The following TMOD2 variants were observed in gnomAD, a reference collection of about 807,000 sequenced individuals.
TMOD2 encodes the protein tropomodulin-2.
Under a neutral mutation model 39.9 loss-of-function variants are expected in TMOD2, and 22 were observed. That is an observed-to-expected ratio of 0.55 (90% CI 0.39 to 0.79). The LOEUF is 0.79. TMOD2 is among the 30% of genes least tolerant of loss of function. The pLI is 0.00. For missense variants in TMOD2, 386 were observed against 413.3 expected, an observed-to-expected ratio of 0.93 and a Z score of 0.57; for synonymous variants, 123 against 146.1, an observed-to-expected ratio of 0.84 and a Z score of 1.14.
chr15:51,769,287 T>A (rs554754026), intron 3 of TMOD2, among the ~76,000 whole-genome samples: 1 of 152,292 alleles, frequency 6.6e-6, no homozygotes, highest in South Asian at 2.1e-4. Flanking sequence ...TTTACCAACT[T>A]CAGAAGTCCC....
chr15:51,801,010 C>T lies in TMOD2; in HGVS notation c.876+2670C>T, dbSNP rs573535359. 7.9e-5 allele frequency among the ~76,000 whole-genome samples: 12 copies of T among 152,208 alleles called. No homozygotes were observed. The East Asian group carries it at 2.1e-3, about 27-fold the overall frequency. On this transcript the variant is annotated intron_variant, in intron 8 of 9. Coordinates refer to ENST00000249700, the MANE Select transcript of TMOD2 (RefSeq NM_014548.4). ...ATGAGCCCCACCGCGCCTAGCCTGGCGTCTCTTTATTTGTATACGACAAGG... is the reference window on the plus strand; with the variant it reads ...ATGAGCCCCACCGCGCCTAGCCTGGTGTCTCTTTATTTGTATACGACAAGG...
intron 5 of TMOD2, among the ~76,000 whole-genome samples, chr15:51,779,248 A>G (rs2055912910): frequency 6.6e-6 from 1 of 152,238 alleles, no homozygotes; most frequent in African/African-American, 2.4e-5. Flanking sequence ...TAACGTTCTG[A>G]CAATGTTTCC....
intron 3 of TMOD2, among the ~76,000 whole-genome samples, chr15:51,772,993 G>A (rs1341870989): frequency 2.0e-5 from 3 of 152,236 alleles, no homozygotes; most frequent in African/African-American, 7.2e-5. Flanking sequence ...ATATACCTAG[G>A]AGGCCAGTAT....
intron 7 of TMOD2, chr15:51,783,752 T>TAGATAG (rs1284398924): frequency 9.7e-5 from 14 of 144,692 alleles, no homozygotes; most frequent in Admixed American, 9.5e-4. Context: ...AGATGATAGA[T>TAGATAG]AGATAGATAG....
chr15:51,787,918 G>A (rs1057159419), intron 7 of TMOD2, among the ~76,000 whole-genome samples: 2 of 152,152 alleles, frequency 1.3e-5, no homozygotes, highest in African/African-American at 4.8e-5. Flanking sequence ...GCAGAAAGGC[G>A]GAAAATTCCC....
At chr15:51,794,151 A>G (rs2056031708) in intron 7 of TMOD2, among the ~76,000 whole-genome samples, 1 of 152,142 alleles carries the variant, frequency 6.6e-6, no homozygotes, top group Non-Finnish European at 1.5e-5. Context: ...AGTGCTATTG[A>G]CATCTAGTGA....
At chr15:51,795,929 C>CTTTCTT (rs200833955) in intron 7 of TMOD2, among the ~76,000 whole-genome samples, 1 of 124,182 alleles carries the variant, frequency 8.1e-6, no homozygotes, top group Non-Finnish European at 1.6e-5. Flanking sequence ...TTCTCTCTTT[C>CTTTCTT]TTTCTTTTTC....
At chr15:51,764,065 G>A (rs1269467480) in intron 1 of TMOD2, among the ~76,000 whole-genome samples, 2 of 143,270 alleles carry the variant, frequency 1.4e-5, no homozygotes, top group Admixed American at 1.5e-4. Flanking sequence ...TTATTTACTA[G>A]AATATAGTCA....
chr15:51,806,284 T>C, intron 8 of TMOD2, 93 bp from the exon 9 acceptor site: 1 of 1,463,802 alleles, frequency 6.8e-7, no homozygotes, highest in Non-Finnish European at 9.3e-7. Flanking sequence ...TTTGCCTTTT[T>C]GTCCAGCAAG....
chr15:51,770,049 A>G (rs2141619278), intron 3 of TMOD2, among the ~76,000 whole-genome samples: 1 of 152,122 alleles, frequency 6.6e-6, no homozygotes, highest in Non-Finnish European at 1.5e-5. Context: ...TAAACAAACA[A>G]ACCAAATCTT....
chr15:51,768,451 A>T, intron 3 of TMOD2, 33 bp downstream of exon 3: 1 of 1,543,856 alleles, frequency 6.5e-7, no homozygotes, highest in Non-Finnish European at 8.7e-7. Context: ...CTTGGAACAG[A>T]GGTTCTCTCT....
intron 6 of TMOD2, among the ~76,000 whole-genome samples, chr15:51,781,887 T>A (rs2055933435): frequency 6.6e-6 from 1 of 152,104 alleles, no homozygotes; most frequent in East Asian, 1.9e-4. Flanking sequence ...TTGGGGCCAA[T>A]TCTTAGCATT....
At chr15:51,754,547 C>A (rs1175008831) in intron 1 of TMOD2, among the ~76,000 whole-genome samples, 1 of 152,136 alleles carries the variant, frequency 6.6e-6, no homozygotes, top group Non-Finnish European at 1.5e-5. Flanking sequence ...TTTTGCTTTA[C>A]CTGGATTATA....
intron 1 of TMOD2, among the ~76,000 whole-genome samples, chr15:51,762,026 G>T (rs2055784427): frequency 6.6e-6 from 1 of 151,834 alleles, no homozygotes; most frequent in South Asian, 2.1e-4. Flanking sequence ...GCGGGCACCT[G>T]TAGTCCCAGC....
intron 9 of TMOD2, among the ~76,000 whole-genome samples, 173 bp from the exon 10 acceptor site, chr15:51,808,247 A>T (rs2056133402): frequency 6.6e-6 from 1 of 152,238 alleles, no homozygotes; most frequent in South Asian, 2.1e-4. Flanking sequence ...AAATTCCACC[A>T]GACACTGGAT....
intron 1 of TMOD2, among the ~76,000 whole-genome samples, chr15:51,757,345 T>C (rs2055748890): frequency 7.6e-6 from 1 of 131,834 alleles, no homozygotes; most frequent in Non-Finnish European, 1.5e-5. Flanking sequence ...GAGCTTGCAG[T>C]GAACGGAGAT....
intron 1 of TMOD2, among the ~76,000 whole-genome samples, chr15:51,762,318 G>A (rs2055787093): frequency 6.6e-6 from 1 of 151,932 alleles, no homozygotes; most frequent in African/African-American, 2.4e-5. Flanking sequence ...AAATAGCCCG[G>A]CATGGTGGTG....
At chr15:51,797,990 A>C (rs1183302848) in intron 7 of TMOD2, among the ~76,000 whole-genome samples, 1 of 151,970 alleles carries the variant, frequency 6.6e-6, no homozygotes. Context: ...AAGTATGTGA[A>C]ATTTATGTCT....
chr15:51,775,570 C>CTTTTTTTT (rs869308022), intron 4 of TMOD2, among the ~76,000 whole-genome samples: 383 of 81,222 alleles, frequency 4.7e-3, no homozygotes, highest in East Asian at 9.2e-3. Flanking sequence ...ATTCTTTTTC[C>CTTTTTTTT]TTTTTTTTTT....
Sources: allele counts gnomAD v4.1 joint callset (sites outside exome capture counted in the v4.1 genomes callset), GRCh38; gene constraint gnomAD v4.1.1; transcripts MANE v1.5; gene names NCBI Gene and HGNC (gene_info 2026-07-23, HGNC 2026-07-21).